Variants in OSBPL9 observed in about 807,000 individuals in gnomAD.
The protein encoded by OSBPL9 is oxysterol-binding protein-related protein 9.
OSBPL9 carries 40 observed loss-of-function variants against 106.6 expected under a neutral mutation model. The ratio of observed to expected loss-of-function variants is 0.38; its 90% confidence interval spans 0.29 to 0.49. The LOEUF is 0.49. Among genes scored for constraint, OSBPL9 ranks in the 20% least tolerant of loss-of-function variants. The probability of loss-of-function intolerance (pLI) is 0.97; values close to 1 mark genes in which losing one functional copy is unlikely to be tolerated. For synonymous variants in OSBPL9, 269 were observed against 295.4 expected (o/e 0.91, Z 0.92); for missense variants, 609 against 887.2 (o/e 0.69, Z 3.98).
At chr1:51,532,506 G>A in the OSBPL9 span, among the ~76,000 whole-genome samples, 16 of 152,134 alleles carry the variant, frequency 1.1e-4, no homozygotes, top group Non-Finnish European at 2.1e-4. Flanking sequence ...AAAAAGTTAC[G>A]AAATAAGCAT....
In OSBPL9 at chr1:51,745,654, A is replaced by G. The variant is rs755816145; in HGVS notation, c.414+23A>G. 3 of 1,466,770 alleles carry G rather than the reference A, an allele frequency of 2.0e-6. No homozygotes were observed. The South Asian group carries it at 4.4e-5, about 22-fold the overall frequency. The allele number at this position is 1,466,770 out of a possible 1,614,324, so 90.9% of individuals were successfully genotyped here. On this transcript the variant is annotated intron_variant, in intron 5 of 23. Coordinates refer to ENST00000428468, the MANE Select transcript of OSBPL9 (RefSeq NM_024586.6). ...AAGGTATGGCATTAGTTTGTATATTAAATTTATATAAATAGAAAATGTTAC... is the reference window on the plus strand; with the variant it reads ...AAGGTATGGCATTAGTTTGTATATTGAATTTATATAAATAGAAAATGTTAC...
At chr1:51,715,611 A>G (rs1487539185) in intron 4 of OSBPL9, among the ~76,000 whole-genome samples, 1 of 152,124 alleles carries the variant, frequency 6.6e-6, no homozygotes, top group Non-Finnish European at 1.5e-5. Context: ...TAGTGATCAT[A>G]TTAGACTGAA....
At chr1:51,768,376 G>A (rs1571664729) in intron 12 of OSBPL9, among the ~76,000 whole-genome samples, 1 of 152,076 alleles carries the variant, frequency 6.6e-6, no homozygotes, top group East Asian at 1.9e-4. Context: ...ACCATGCCCA[G>A]CTAATTTTTG....
chr1:51,702,456 G>T (rs1233458754), intron 3 of OSBPL9, among the ~76,000 whole-genome samples: 2 of 152,220 alleles, frequency 1.3e-5, no homozygotes, highest in Non-Finnish European at 2.9e-5. Flanking sequence ...CTTTTGAGAA[G>T]TGTCTGTTCA....
chr1:51,773,665 G>A (rs1235629405), intron 14 of OSBPL9, among the ~76,000 whole-genome samples: 1 of 152,142 alleles, frequency 6.6e-6, no homozygotes, highest in Non-Finnish European at 1.5e-5. Flanking sequence ...TTTTGTTAGG[G>A]CAAAATCAAT....
intron 3 of OSBPL9, among the ~76,000 whole-genome samples, chr1:51,673,406 A>G (rs2148774216): frequency 6.6e-6 from 1 of 152,318 alleles, no homozygotes; most frequent in Non-Finnish European, 1.5e-5. Flanking sequence ...AATGGGAGCA[A>G]GGGAGCTTTT....
chr1:51,552,691 C>T, the OSBPL9 span, among the ~76,000 whole-genome samples: 20 of 152,046 alleles, frequency 1.3e-4, no homozygotes, highest in African/African-American at 4.3e-4. Flanking sequence ...GTGGTCCAAT[C>T]TCAGCTCACT....
the OSBPL9 span, among the ~76,000 whole-genome samples, chr1:51,558,030 T>C: frequency 0.021 from 3,253 of 152,228 alleles, 48 homozygotes; most frequent in Non-Finnish European, 0.029. Flanking sequence ...CCTGTAATCC[T>C]AGCACTTTGG....
chr1:51,575,860 A>G (rs919196155), upstream of OSBPL9, among the ~76,000 whole-genome samples: 2 of 152,190 alleles, frequency 1.3e-5, no homozygotes, highest in Admixed American at 6.5e-5. Flanking sequence ...TAACATTTTT[A>G]TTATCAAAGA....
At chr1:51,532,987 TTGGTAATTAAA>T in the OSBPL9 span, among the ~76,000 whole-genome samples, 1 of 152,074 alleles carries the variant, frequency 6.6e-6, no homozygotes, top group South Asian at 2.1e-4. Context: ...TAAATGGTAA[TTGGTAATTAAA>T]TGGTAATTGG....
chr1:51,563,037 C>T, the OSBPL9 span, among the ~76,000 whole-genome samples: 2 of 151,934 alleles, frequency 1.3e-5, no homozygotes, highest in Admixed American at 6.6e-5. Context: ...AGTGAAACCG[C>T]GTCTCTACTG....
intron 2 of OSBPL9, among the ~76,000 whole-genome samples, chr1:51,600,418 C>A (rs1643997193): frequency 6.6e-6 from 1 of 152,074 alleles, no homozygotes; most frequent in Non-Finnish European, 1.5e-5. Flanking sequence ...CCCTTATGGA[C>A]CCCTTCTTCC....
chr1:51,626,280 T>G (rs977757131), intron 1 of OSBPL9, among the ~76,000 whole-genome samples: 11 of 152,168 alleles, frequency 7.2e-5, no homozygotes, highest in South Asian at 2.1e-4. Flanking sequence ...CTTTTACCTT[T>G]CCCTATCATA....
chr1:51,554,052 A>G, the OSBPL9 span, among the ~76,000 whole-genome samples: 2 of 152,214 alleles, frequency 1.3e-5, no homozygotes, highest in African/African-American at 2.4e-5. Context: ...GCTACTCGAG[A>G]GGCTAAGGTG....
the OSBPL9 span, among the ~76,000 whole-genome samples, chr1:51,531,985 G>A: frequency 6.6e-6 from 1 of 152,302 alleles, no homozygotes; most frequent in Non-Finnish European, 1.5e-5. Context: ...TCAGGAAGGA[G>A]CAAGGAAGGA....
chr1:51,787,909 T>G lies in OSBPL9; in HGVS notation c.*120T>G. On this transcript the variant is annotated 3_prime_UTR_variant, in exon 24 of 24. Transcript: ENST00000428468. ...TCTTCTAATTACAGTGGTTCCTATC[T>G]CAGGGATACTGGACTTTCTGACGCA... is the stretch of plus-strand genomic sequence containing the variant. 1 of 875,654 alleles carries G rather than the reference T, an allele frequency of 1.1e-6. No homozygotes were observed. Among genetic ancestry groups the G allele is most frequent in the Non-Finnish European group, 1.8e-6 (1 of 548,084 alleles). 54.2% of individuals were successfully genotyped at this position (875,654 alleles called of 1,614,324 possible). A position where few individuals can be genotyped will look rare whatever the true frequency, so the allele number is the denominator to read the frequency against.
At chr1:51,553,699 A>G in the OSBPL9 span, among the ~76,000 whole-genome samples, 1 of 151,596 alleles carries the variant, frequency 6.6e-6, no homozygotes, top group Admixed American at 6.6e-5. Context: ...TTTTTTTTTG[A>G]GACAGAGTTT....
chr1:51,745,175 A>G (rs12063077), intron 4 of OSBPL9: 9,159 of 177,486 alleles, frequency 0.052, 480 homozygotes, highest in African/African-American at 0.14. Flanking sequence ...GGAAAATAGA[A>G]GTAACCTAGG....
intron 14 of OSBPL9, among the ~76,000 whole-genome samples, chr1:51,774,373 T>C (rs76748448): frequency 6.6e-6 from 1 of 152,222 alleles, no homozygotes; most frequent in Non-Finnish European, 1.5e-5. Context: ...AAATAAGTCA[T>C]TTTTGAAATT....
Sources: gnomAD v4.1 joint callset for allele counts (sites outside exome capture counted in the v4.1 genomes callset) on GRCh38, gnomAD v4.1.1 for gene constraint, MANE v1.5 for transcripts, NCBI Gene and HGNC (gene_info 2026-07-23, HGNC 2026-07-21) for gene names.